COL22A1: variants seen among roughly 807,000 people sequenced by gnomAD.
COL22A1 encodes collagen type XXII alpha 1 chain.
In COL22A1, 221 loss-of-function variants were observed where a neutral mutation model predicts 248.9. The observed-to-expected ratio is 0.89, with a 90% CI of 0.80 to 0.99. The LOEUF is 0.99. Ranked by LOEUF, COL22A1 falls within the 50% of genes least tolerant of loss-of-function variation. COL22A1 has a pLI of 0.00. For missense variants in COL22A1, 2,240 were observed against 2,179.0 expected (o/e 1.03, Z -0.56); for synonymous variants, 891 against 793.4 (o/e 1.12, Z -2.07).
At chr8:138,835,971 C>G (rs1419944252) in intron 4 of COL22A1, among the ~76,000 whole-genome samples, 1 of 152,178 alleles carries the variant, frequency 6.6e-6, no homozygotes, top group East Asian at 1.9e-4. Flanking sequence ...CCAAATGGGA[C>G]ATTAAGAATA....
In COL22A1 at chr8:138,630,989, T is replaced by A. The variant is rs1466446112; in HGVS notation, c.3610-241A>T. ...TGGTGATAAGTGAGCCCCCACTCAG[T>A]TCATGCAAGATCTGGTTGTTTAGAA... On this transcript the variant is annotated intron_variant, in intron 49 of 64. Transcript: ENST00000303045. Among the ~76,000 whole-genome samples the A allele has an allele frequency of 2.0e-5, 3 of 152,130 alleles. No homozygotes were observed. The East Asian group carries it at 5.8e-4, about 29-fold the overall frequency.
intron 12 of COL22A1, among the ~76,000 whole-genome samples, chr8:138,781,937 T>A (rs2131534096): frequency 6.6e-6 from 1 of 152,332 alleles, no homozygotes; most frequent in African/African-American, 2.4e-5. Flanking sequence ...TATAAAACAC[T>A]ATGTGCCAAA....
intron 64 of COL22A1, among the ~76,000 whole-genome samples, chr8:138,591,183 T>G (rs1006656002): frequency 1.3e-5 from 2 of 152,234 alleles, no homozygotes; most frequent in Admixed American, 6.5e-5. Context: ...CATGAAATTT[T>G]AAACTCGCGG....
At chr8:138,906,515 A>G (rs1187046179) in intron 1 of COL22A1, among the ~76,000 whole-genome samples, 3 of 152,212 alleles carry the variant, frequency 2.0e-5, no homozygotes, top group African/African-American at 7.2e-5. Context: ...GAAACAAATA[A>G]ATGAGTTGAA....
chr8:138,755,042 T>C (rs929685615), intron 21 of COL22A1, 115 bp downstream of exon 21: 5 of 1,022,252 alleles, frequency 4.9e-6, no homozygotes, highest in African/African-American at 3.2e-5. Context: ...ACTCAGGTGA[T>C]GTGAAGGCGC....
chr8:138,807,341 C>T (rs943583304), intron 10 of COL22A1, among the ~76,000 whole-genome samples: 27 of 152,278 alleles, frequency 1.8e-4, no homozygotes, highest in African/African-American at 6.0e-4. Flanking sequence ...GACAGAGGGG[C>T]CCTACCTGGC....
chr8:138,894,501 G>A (rs1424300181), intron 1 of COL22A1, among the ~76,000 whole-genome samples: 3 of 152,156 alleles, frequency 2.0e-5, no homozygotes, highest in Non-Finnish European at 4.4e-5. Flanking sequence ...TCAGTGAGGG[G>A]ACCAGATGAA....
intron 1 of COL22A1, among the ~76,000 whole-genome samples, chr8:138,900,983 A>G (rs917980082): frequency 3.9e-5 from 6 of 152,194 alleles, no homozygotes; most frequent in Non-Finnish European, 7.3e-5. Flanking sequence ...AGACTCCTCG[A>G]TATATCATTG....
At chr8:138,762,506 G>C (rs1272984083) in intron 16 of COL22A1, 40 bp from the exon 17 acceptor site, 4 of 1,598,358 alleles carry the variant, frequency 2.5e-6, no homozygotes, top group Non-Finnish European at 2.6e-6. Flanking sequence ...AGAGGTTAGT[G>C]ACCACAGGCA....
intron 2 of COL22A1, among the ~76,000 whole-genome samples, chr8:138,882,447 C>T (rs1201010498): frequency 6.6e-6 from 1 of 150,462 alleles, no homozygotes; most frequent in African/African-American, 2.5e-5. Flanking sequence ...CTCAAACTCC[C>T]TCACACTCCC....
intron 28 of COL22A1, among the ~76,000 whole-genome samples, 194 bp downstream of exon 28, chr8:138,716,631 C>T (rs1219942477): frequency 6.6e-6 from 1 of 152,098 alleles, no homozygotes; most frequent in South Asian, 2.1e-4. Context: ...CTCTCCTATG[C>T]CCCCAACACC....
At position 138,802,818 on chromosome 8, in the gene COL22A1, T is replaced by A. The variant is rs374175301; in HGVS notation, c.1557+54A>T. 2.2e-5 allele frequency: 31 copies of A among 1,406,630 alleles called. 1 individual carries two copies. Among genetic ancestry groups the A allele is most frequent in the East Asian group, 4.6e-5 (2 of 43,862 alleles). The allele number at this position is 1,406,630 out of a possible 1,614,324, so 87.1% of individuals were successfully genotyped here. ...ATTTGCATGATCGGAGGGCCCTGGG[T>A]CCCCCACGCCCGCCCTGAGGTTCAG... On this transcript the variant is annotated intron_variant, in intron 11 of 64. Transcript: ENST00000303045.
intron 1 of COL22A1, among the ~76,000 whole-genome samples, chr8:138,889,152 T>G (rs1329553784): frequency 6.6e-6 from 1 of 152,214 alleles, no homozygotes; most frequent in South Asian, 2.1e-4. Context: ...TATGTGTCTC[T>G]CCCCACGTCA....
intron 41 of COL22A1, among the ~76,000 whole-genome samples, chr8:138,670,960 CAAAAAAAAA>C (rs60845059): frequency 1.1e-3 from 60 of 55,392 alleles, no homozygotes; most frequent in Admixed American, 2.2e-3. Context: ...GACCTTGTCT[CAAAAAAAAA>C]AAAAAAAAAA....
chr8:138,742,912 G>A (rs1347438551), intron 22 of COL22A1, among the ~76,000 whole-genome samples: 1 of 151,656 alleles, frequency 6.6e-6, no homozygotes, highest in Non-Finnish European at 1.5e-5. Context: ...TGGTAGTAGT[G>A]ATTGTGATGG....
intron 37 of COL22A1, among the ~76,000 whole-genome samples, chr8:138,686,780 G>T (rs937778914): frequency 6.6e-6 from 1 of 152,112 alleles, no homozygotes; most frequent in Non-Finnish European, 1.5e-5. Context: ...TCCCCTTCCA[G>T]GTTACCAATG....
At chr8:138,882,148 C>A (rs1364739541) in intron 2 of COL22A1, among the ~76,000 whole-genome samples, 1 of 152,058 alleles carries the variant, frequency 6.6e-6, no homozygotes, top group Non-Finnish European at 1.5e-5. Flanking sequence ...GAGCTCCAAA[C>A]CTGCACACAC....
chr8:138,655,313 T>C (rs756083283), intron 45 of COL22A1, among the ~76,000 whole-genome samples: 2 of 152,036 alleles, frequency 1.3e-5, no homozygotes, highest in Non-Finnish European at 2.9e-5. Flanking sequence ...ATTAAGTATG[T>C]GTAAAGAAAG....
intron 1 of COL22A1, among the ~76,000 whole-genome samples, chr8:138,884,844 A>AT (rs1432295054): frequency 6.6e-6 from 1 of 151,966 alleles, no homozygotes; most frequent in Non-Finnish European, 1.5e-5. Flanking sequence ...TGACATTTCC[A>AT]CTCTTCATCA....
Sources: gnomAD v4.1 joint callset for allele counts (sites outside exome capture counted in the v4.1 genomes callset) on GRCh38, gnomAD v4.1.1 for gene constraint, MANE v1.5 for transcripts, NCBI Gene and HGNC (gene_info 2026-07-23, HGNC 2026-07-21) for gene names.